TTC28: variants seen among roughly 807,000 people sequenced by gnomAD.
TTC28 encodes the protein tetratricopeptide repeat protein 28.
A neutral mutation model predicts 198.0 loss-of-function variants in TTC28; 61 were observed. The observed-to-expected ratio is 0.31, with a 90% confidence interval of 0.25 to 0.38. The LOEUF is 0.38. Among genes scored for constraint, TTC28 ranks in the 10% least tolerant of loss-of-function variants. The pLI is 1.00. For synonymous variants in TTC28, 1,171 were observed against 1,297.8 expected (o/e 0.90, Z 2.10); for missense variants, 2,678 against 3,164.0 (o/e 0.85, Z 3.69).
intron 8 of TTC28, among the ~76,000 whole-genome samples, chr22:28,105,033 T>G (rs1490340280): frequency 6.6e-6 from 1 of 151,854 alleles, no homozygotes; most frequent in Non-Finnish European, 1.5e-5. Context: ...ACTGAGAGAG[T>G]AAGACAATCT....
At chr22:28,186,940 C>T (rs996100434) in intron 5 of TTC28, among the ~76,000 whole-genome samples, 3 of 152,108 alleles carry the variant, frequency 2.0e-5, no homozygotes, top group East Asian at 1.9e-4. Context: ...ACAAAGCACA[C>T]GTTATATCAT....
At chr22:28,493,467 T>C (rs759911025) in intron 2 of TTC28, among the ~76,000 whole-genome samples, 2 of 152,182 alleles carry the variant, frequency 1.3e-5, no homozygotes, top group African/African-American at 2.4e-5. Context: ...AAAACATTCA[T>C]TCTGTCTTTC....
At chr22:28,204,922 T>A (rs997353998) in intron 5 of TTC28, among the ~76,000 whole-genome samples, 7 of 152,134 alleles carry the variant, frequency 4.6e-5, no homozygotes, top group Non-Finnish European at 8.8e-5. Flanking sequence ...TACTTGCATA[T>A]TCCCTGTCCT....
At chr22:28,456,660 C>T (rs1005948181) in intron 2 of TTC28, among the ~76,000 whole-genome samples, 4 of 152,274 alleles carry the variant, frequency 2.6e-5, no homozygotes, top group Admixed American at 6.5e-5. Flanking sequence ...ACTGCAACCT[C>T]CACCCCCAGG....
chr22:28,096,804 C>G (rs945077653), intron 10 of TTC28, among the ~76,000 whole-genome samples: 1 of 150,984 alleles, frequency 6.6e-6, no homozygotes, highest in Non-Finnish European at 1.5e-5. Flanking sequence ...TGGCTCTCTA[C>G]GTGTCTTTTT....
chr22:28,441,566 A>G (rs546122817), intron 2 of TTC28, among the ~76,000 whole-genome samples: 16 of 152,336 alleles, frequency 1.1e-4, no homozygotes, highest in Non-Finnish European at 1.9e-4. Context: ...ACAAAATGCC[A>G]TCAATTAGAT....
chr22:28,219,606 G>A (rs749925614), intron 5 of TTC28, among the ~76,000 whole-genome samples: 9 of 152,002 alleles, frequency 5.9e-5, no homozygotes, highest in African/African-American at 9.7e-5. Flanking sequence ...AGGTGTTCAC[G>A]AAATGTTATT....
rs2048326093 is a variant in TTC28 at position 28,487,420 on chromosome 22, CATAT to C, written c.381+142128_381+142131del. Among the ~76,000 whole-genome samples, 3 of 151,440 alleles carry C rather than the reference CATAT, an allele frequency of 2.0e-5. No homozygotes were observed. The South Asian group carries it at 6.3e-4, about 32-fold the overall frequency. ...TTAAACTTCTTTCTCTGTATAAATG[CATAT>C]ATAAATTTTAATAAAAACTATAAAA... On this transcript the variant is annotated intron_variant, in intron 2 of 22. Transcript: ENST00000397906.
chr22:28,071,041 G>C (rs1325375021), intron 12 of TTC28, among the ~76,000 whole-genome samples: 1 of 152,060 alleles, frequency 6.6e-6, no homozygotes, highest in East Asian at 1.9e-4. Context: ...CCTGGTGTCA[G>C]GGCATGGGAG....
chr22:28,544,268 T>A (rs559039595), intron 2 of TTC28, among the ~76,000 whole-genome samples: 1 of 152,166 alleles, frequency 6.6e-6, no homozygotes, highest in Non-Finnish European at 1.5e-5. Context: ...CTTGCATTCC[T>A]AGAATATTTC....
intron 2 of TTC28, among the ~76,000 whole-genome samples, chr22:28,528,552 C>T (rs909592622): frequency 4.6e-5 from 7 of 151,084 alleles, no homozygotes; most frequent in African/African-American, 1.7e-4. Context: ...CATGATAAAA[C>T]CCCATCTCTA....
At chr22:28,199,680 CCAGA>C (rs1444661920) in intron 5 of TTC28, among the ~76,000 whole-genome samples, 1 of 151,494 alleles carries the variant, frequency 6.6e-6, no homozygotes, top group Non-Finnish European at 1.5e-5. Context: ...ACATTTTGGG[CCAGA>C]CAGTTATCTG....
intron 2 of TTC28, among the ~76,000 whole-genome samples, chr22:28,444,011 A>G (rs758975363): frequency 1.2e-4 from 18 of 152,190 alleles, no homozygotes; most frequent in Non-Finnish European, 2.5e-4. Context: ...ACTTTAATAG[A>G]TTCCATTTCC....
In TTC28 at chr22:28,646,591, G is replaced by A. The variant is rs941325289; in HGVS notation, c.103-16761C>T. Among the ~76,000 whole-genome samples the A allele has an allele frequency of 8.5e-5, 13 of 152,326 alleles. 2 individuals carry two copies. Among genetic ancestry groups the A allele is most frequent in the Admixed American group, 7.8e-4 (12 of 15,294 alleles). On this transcript the variant is annotated intron_variant, in intron 1 of 22. Transcript: ENST00000397906. ...TTATGAAATCGACAGAGGGCCAGGTGTGGTGGCTCACACCTGTAATCCCAG... is the reference window on the plus strand; with the variant it reads ...TTATGAAATCGACAGAGGGCCAGGTATGGTGGCTCACACCTGTAATCCCAG...
intron 5 of TTC28, among the ~76,000 whole-genome samples, chr22:28,235,200 C>T (rs570627229): frequency 7.6e-6 from 1 of 131,278 alleles, no homozygotes; most frequent in South Asian, 2.9e-4. Flanking sequence ...TTGTTATTCT[C>T]ATAATGTCCT....
intron 2 of TTC28, among the ~76,000 whole-genome samples, chr22:28,492,910 G>A (rs2048398570): frequency 6.6e-6 from 1 of 152,074 alleles, no homozygotes; most frequent in African/African-American, 2.4e-5. Context: ...AAGTAAGACA[G>A]TTTCCAAAGA....
rs573883730 is a variant in TTC28, at chr22:28,145,048, T to A, written c.1441+18044A>T. Among the ~76,000 whole-genome samples, 45 of 152,324 alleles carry A rather than the reference T, an allele frequency of 3.0e-4. No individual in the cohort carries two copies. In the South Asian group the frequency reaches 9.3e-3, roughly 32 times the overall value. On this transcript the variant is annotated intron_variant, in intron 6 of 22. Coordinates refer to ENST00000397906, the MANE Select transcript of TTC28 (RefSeq NM_001145418.2). The stretch of plus-strand genomic sequence containing the variant: ...CCTCACTTTGAAGCCACACTTTCCA[T>A]CAGTTCCTGTGGCATCACAGAAAAA...
intron 1 of TTC28, among the ~76,000 whole-genome samples, chr22:28,644,927 T>C (rs1205168823): frequency 3.3e-5 from 5 of 151,884 alleles, no homozygotes; most frequent in South Asian, 2.1e-4. Flanking sequence ...GCGCAGATCA[T>C]GAGGTCAGGA....
At chr22:28,528,353 G>A (rs2049051970) in intron 2 of TTC28, among the ~76,000 whole-genome samples, 1 of 152,070 alleles carries the variant, frequency 6.6e-6, no homozygotes, top group African/African-American at 2.4e-5. Flanking sequence ...TTTACTTGAA[G>A]TGGTTCCATA....
Sources: gnomAD v4.1 joint callset for allele counts (sites outside exome capture counted in the v4.1 genomes callset) on GRCh38, gnomAD v4.1.1 for gene constraint, MANE v1.5 for transcripts, NCBI Gene and HGNC (gene_info 2026-07-23, HGNC 2026-07-21) for gene names.